JMJD1C: variants seen among roughly 807,000 people sequenced by gnomAD.
JMJD1C encodes the protein jumonji domain containing 1C.
Under a neutral mutation model 245.3 loss-of-function variants are expected in JMJD1C, and 31 were observed. That is an observed-to-expected ratio of 0.13 (90% CI 0.09 to 0.17). JMJD1C has a LOEUF of 0.17. JMJD1C is among the 10% of genes least tolerant of loss of function. JMJD1C has a pLI of 1.00. For missense variants in JMJD1C, 2,691 were observed against 3,000.2 expected, an observed-to-expected ratio of 0.90 and a Z score of 2.41; for synonymous variants, 1,057 against 1,017.4, an observed-to-expected ratio of 1.04 and a Z score of -0.74.
intron 2 of JMJD1C, among the ~76,000 whole-genome samples, chr10:63,304,404 G>A (rs1300020974): frequency 7.0e-6 from 1 of 143,248 alleles, no homozygotes; most frequent in Admixed American, 6.8e-5. Context: ...TTCACAGCCA[G>A]GAATTTAAAA....
At chr10:63,319,336 C>G (rs1442069038) in intron 2 of JMJD1C, among the ~76,000 whole-genome samples, 1 of 146,960 alleles carries the variant, frequency 6.8e-6, no homozygotes, top group Non-Finnish European at 1.5e-5. Context: ...TGATGCCAAT[C>G]TAATTCTTCT....
chr10:63,490,256 C>T (rs1337812549), intron 1 of JMJD1C, among the ~76,000 whole-genome samples: 24 of 152,150 alleles, frequency 1.6e-4, no homozygotes, highest in Admixed American at 1.5e-3. Context: ...TCTTGACCTA[C>T]TGAGCTCATT....
intron 2 of JMJD1C, among the ~76,000 whole-genome samples, chr10:63,312,879 C>T (rs535706722): frequency 2.0e-5 from 3 of 152,184 alleles, no homozygotes; most frequent in South Asian, 2.1e-4. Flanking sequence ...GATGAGCCAC[C>T]GTGGCCACCC....
At chr10:63,272,072 C>CA (rs1234840271) in intron 2 of JMJD1C, among the ~76,000 whole-genome samples, 1,256 of 89,716 alleles carry the variant, frequency 0.014, 6 homozygotes, top group African/African-American at 0.023. Context: ...GACTCTGTCT[C>CA]AAAAAAAAAA....
intron 1 of JMJD1C, among the ~76,000 whole-genome samples, chr10:63,397,852 G>T (rs1948602434): frequency 1.3e-5 from 2 of 152,082 alleles, no homozygotes; most frequent in African/African-American, 4.8e-5. Context: ...TTTAACCAAT[G>T]TTTCATCACC....
intron 1 of JMJD1C, chr10:63,427,842 C>G (rs1950530247): frequency 2.1e-6 from 2 of 961,366 alleles, no homozygotes; most frequent in Non-Finnish European, 3.4e-6. Flanking sequence ...TTGAGACAGC[C>G]AAGGAAGCCA....
upstream of JMJD1C, among the ~76,000 whole-genome samples, chr10:63,468,783 A>T (rs1564955028): frequency 6.6e-6 from 1 of 152,116 alleles, no homozygotes; most frequent in African/African-American, 2.4e-5. Context: ...AGATTATTTG[A>T]TTTTTTCCCT....
rs140462613 is a variant in JMJD1C, at chr10:63,292,567, C to T, written c.334-27803G>A. 1.7e-3 allele frequency among the ~76,000 whole-genome samples: 256 copies of T among 151,834 alleles called. 2 individuals carry two copies. The East Asian group carries it at 0.029, about 17-fold the overall frequency. ...CAGAGGTTGCAACGAGCCGAGATCACGCCACTGCACTCCACCCTGGATGAC... is the reference window on the plus strand; with the variant it reads ...CAGAGGTTGCAACGAGCCGAGATCATGCCACTGCACTCCACCCTGGATGAC... On this transcript the variant is annotated intron_variant, in intron 2 of 25. Coordinates refer to ENST00000399262, the MANE Select transcript of JMJD1C (RefSeq NM_032776.3).
At chr10:63,471,812 CG>C (rs1186258058) in intron 1 of JMJD1C, among the ~76,000 whole-genome samples, 2 of 152,050 alleles carry the variant, frequency 1.3e-5, no homozygotes, top group Non-Finnish European at 1.5e-5. Flanking sequence ...CTGAGTGGGG[CG>C]GATCACCTGA....
intron 3 of JMJD1C, among the ~76,000 whole-genome samples, chr10:63,229,280 T>TA (rs1395041897): frequency 6.6e-6 from 1 of 152,222 alleles, no homozygotes; most frequent in Non-Finnish European, 1.5e-5. Context: ...TTCAGACGTC[T>TA]AGAATCCAGA....
At chr10:63,413,147 C>A (rs940448271) in intron 1 of JMJD1C, among the ~76,000 whole-genome samples, 3 of 152,024 alleles carry the variant, frequency 2.0e-5, no homozygotes, top group Admixed American at 1.3e-4. Flanking sequence ...ATATACAACA[C>A]AATTTATAAA....
chr10:63,351,789 G>T (rs1042416806), intron 2 of JMJD1C, among the ~76,000 whole-genome samples: 3 of 152,036 alleles, frequency 2.0e-5, no homozygotes, highest in Admixed American at 6.5e-5. Context: ...TTAGCACCGA[G>T]CAAATACGGC....
chr10:63,236,781 T>C (rs549685355), intron 3 of JMJD1C, among the ~76,000 whole-genome samples: 3 of 152,238 alleles, frequency 2.0e-5, no homozygotes, highest in East Asian at 3.9e-4. Flanking sequence ...TAAAATTATA[T>C]ACTTGTATAA....
chr10:63,167,997 T>C lies in JMJD1C; in HGVS notation c.*48A>G, dbSNP rs749063245. 9.3e-7 allele frequency: 1 copy of C among 1,072,858 alleles called. No individual in the cohort carries two copies. Among genetic ancestry groups the C allele is most frequent in the East Asian group, 2.4e-5 (1 of 42,414 alleles). The allele number at this position is 1,072,858 out of a possible 1,614,324, so 66.5% of individuals were successfully genotyped here. The stretch of plus-strand genomic sequence containing the variant: ...TGTGCATACATATCATCATTCAAGG[T>C]TAAGTAATCCCAGTTCAACAACCTA... On this transcript the variant is annotated 3_prime_UTR_variant, in exon 26 of 26. Coordinates refer to ENST00000399262, the MANE Select transcript of JMJD1C (RefSeq NM_032776.3).
chr10:63,512,303 A>C (rs1265842548), intron 1 of JMJD1C, among the ~76,000 whole-genome samples: 1 of 151,544 alleles, frequency 6.6e-6, no homozygotes, highest in Admixed American at 6.6e-5. Flanking sequence ...TTTTTTTTAC[A>C]TATTTCTTAC....
intron 2 of JMJD1C, among the ~76,000 whole-genome samples, chr10:63,297,626 T>C (rs1489430409): frequency 1.3e-5 from 2 of 152,142 alleles, no homozygotes; most frequent in African/African-American, 4.8e-5. Flanking sequence ...GTGAACTTTC[T>C]GGGGGCCCAG....
Position 63,207,650 on chromosome 10 carries a change from G to A in JMJD1C, c.4019C>T (p.Thr1340Ile). ...SERSSAGAHK[T>I]DCLKLAEAGE... ...GGCTTCTGCTAGTTTGAGGCAATCT[G>A]TTTTATGTGCCCCAGCTGAAGATCT... is the stretch of plus-strand genomic sequence containing the variant. The change falls in exon 10 of 26, where the codon ACA becomes ATA. Residue 1340 changes from threonine (T) to isoleucine (I), a missense_variant. Thr to Ile is a moderately conservative substitution (Grantham distance 89). Transcript: ENST00000399262. 3.1e-6 allele frequency: 5 copies of A among 1,614,092 alleles called. No homozygotes were observed. The highest frequency in any genetic ancestry group is 1.1e-5 in the South Asian group (1 of 91,078).
intron 1 of JMJD1C, among the ~76,000 whole-genome samples, chr10:63,490,941 C>G (rs1193584300): frequency 6.6e-6 from 1 of 152,194 alleles, no homozygotes; most frequent in Non-Finnish European, 1.5e-5. Flanking sequence ...CTACCATGCA[C>G]GAAGCACGCT....
At chr10:63,341,722 C>T (rs1436848799) in intron 2 of JMJD1C, among the ~76,000 whole-genome samples, 2 of 152,160 alleles carry the variant, frequency 1.3e-5, no homozygotes, top group Admixed American at 1.3e-4. Context: ...AAATAATGTT[C>T]GTGTCATGTA....
Sources: gnomAD v4.1 joint callset for allele counts (sites outside exome capture counted in the v4.1 genomes callset) on GRCh38, gnomAD v4.1.1 for gene constraint, MANE v1.5 for transcripts, NCBI Gene and HGNC (gene_info 2026-07-23, HGNC 2026-07-21) for gene names.